VAT1L: variants seen among roughly 807,000 people sequenced by gnomAD.
VAT1L encodes the protein vesicle amine transport 1 like.
Under a neutral mutation model 44.1 loss-of-function variants are expected in VAT1L, and 34 were observed. That is an observed-to-expected ratio of 0.77 (90% CI 0.59 to 1.03). The LOEUF (loss-of-function observed/expected upper bound fraction) is 1.03. VAT1L is among the 50% of genes least tolerant of loss of function. The pLI is 0.00. For missense variants in VAT1L, 615 were observed against 538.8 expected, an observed-to-expected ratio of 1.14 and a Z score of -1.40; for synonymous variants, 253 against 202.2, an observed-to-expected ratio of 1.25 and a Z score of -2.13.
intron 7 of VAT1L, among the ~76,000 whole-genome samples, chr16:77,953,373 G>C (rs1020401069): frequency 1.3e-5 from 2 of 152,132 alleles, no homozygotes; most frequent in Non-Finnish European, 2.9e-5. Context: ...TTAATGAAAA[G>C]AATGATTAGT....
intron 1 of VAT1L, among the ~76,000 whole-genome samples, chr16:77,806,452 GCCCA>G: frequency 6.6e-6 from 1 of 150,388 alleles, no homozygotes; most frequent in African/African-American, 2.4e-5. Flanking sequence ...CTCGTGATCT[GCCCA>G]CCTCGGCCTC....
In VAT1L at chr16:77,884,757, G is replaced by T. The variant is rs567575674; in HGVS notation, c.1032G>T (p.Gln344His). The part of the protein sequence containing the change: ...VVEKLIGLYN[Q>H]KKIKPVVDSL... The stretch of plus-strand genomic sequence containing the variant: ...AAAAACTCATAGGGCTCTACAACCA[G>T]AAGAAGATCAAGCCTGTGGTGGACT... The change falls in exon 7 of 9, where the codon CAG becomes CAT. Residue 344 changes from glutamine to histidine, a missense_variant. Physicochemically the swap from Gln to His is conservative, Grantham distance 24. Coordinates refer to ENST00000302536, the MANE Select transcript of VAT1L (RefSeq NM_020927.3). The surrounding 1 kb of genome is among the most constrained non-coding windows in gnomAD (Gnocchi z 4.5). 1.3e-6 allele frequency: 2 copies of T among 1,585,166 alleles called. No homozygotes were observed. Among genetic ancestry groups the T allele is most frequent in the African/African-American group, 1.4e-5 (1 of 73,498 alleles).
rs372025706 is a variant in VAT1L at position 77,891,452 on chromosome 16, A to G, written c.1077+6650A>G. Among the ~76,000 whole-genome samples the G allele has an allele frequency of 3.7e-4, 57 of 152,344 alleles. 3 individuals are homozygous for G. Among genetic ancestry groups the G allele is most frequent in the East Asian group, 3.5e-3 (18 of 5,188 alleles). On this transcript the variant is annotated intron_variant, in intron 7 of 8. Transcript: ENST00000302536. Reference sequence around the variant, plus strand: ...CTATAGAACTGTTCCATCGTTGCAGAAAGTTCTGTTGAAGCTGGTCTATGA... The same window carrying G: ...CTATAGAACTGTTCCATCGTTGCAGGAAGTTCTGTTGAAGCTGGTCTATGA...
At chr16:77,865,022 G>A (rs956567097) in intron 4 of VAT1L, among the ~76,000 whole-genome samples, 3 of 142,348 alleles carry the variant, frequency 2.1e-5, no homozygotes, top group African/African-American at 5.4e-5. Flanking sequence ...CACCCAGGCT[G>A]GAGTGCGGTG....
intron 7 of VAT1L, among the ~76,000 whole-genome samples, chr16:77,885,795 G>C (rs1403641751): frequency 1.3e-5 from 2 of 152,130 alleles, no homozygotes; most frequent in African/African-American, 4.8e-5. Flanking sequence ...CTGTTTGCCT[G>C]AACGATTACA....
chr16:77,865,330 T>C (rs995345236), intron 4 of VAT1L, among the ~76,000 whole-genome samples: 2 of 152,184 alleles, frequency 1.3e-5, no homozygotes. Context: ...ACTATCGTTG[T>C]CCCTTCAGTC....
chr16:77,855,309 C>A (rs2016846944), intron 3 of VAT1L, among the ~76,000 whole-genome samples: 1 of 150,374 alleles, frequency 6.7e-6, no homozygotes, highest in African/African-American at 2.5e-5. Context: ...CACTGCACTC[C>A]AGCCTGGGCA....
intron 7 of VAT1L, among the ~76,000 whole-genome samples, chr16:77,897,751 A>C (rs774245676): frequency 6.6e-6 from 1 of 152,178 alleles, no homozygotes; most frequent in Non-Finnish European, 1.5e-5. Context: ...CTGGGATTCC[A>C]GGTGTGAGCC....
intron 2 of VAT1L, among the ~76,000 whole-genome samples, chr16:77,819,365 T>G (rs570829908): frequency 3.3e-5 from 5 of 152,154 alleles, no homozygotes; most frequent in African/African-American, 9.6e-5. Flanking sequence ...AAGATGATAT[T>G]CTTTTCTTTT....
chr16:77,873,757 T>C (rs2017057846), intron 4 of VAT1L, among the ~76,000 whole-genome samples: 1 of 152,022 alleles, frequency 6.6e-6, no homozygotes, highest in South Asian at 2.1e-4. Context: ...TCTGGAAAGA[T>C]CGTATGTGGG....
Position 77,961,070 on chromosome 16 carries a change from A to G in VAT1L, c.1078-10780A>G, listed in dbSNP as rs187659476. ...CACAGAGTGAAATATTTTTGAATAA[A>G]TTTTTCTGAGAGCATCTATCAGGAC... On this transcript the variant is annotated intron_variant, in intron 7 of 8. Transcript: ENST00000302536. Among the ~76,000 whole-genome samples, 213 of 152,006 alleles carry G rather than the reference A, an allele frequency of 1.4e-3. 4 individuals are homozygous for G. The highest frequency in any genetic ancestry group is 2.4e-3 in the Non-Finnish European group (163 of 67,984).
chr16:77,918,061 AAC>A (rs762946231), intron 7 of VAT1L, among the ~76,000 whole-genome samples: 46 of 152,356 alleles, frequency 3.0e-4, no homozygotes, highest in Non-Finnish European at 2.6e-4. Context: ...ATCAAAAAGA[AAC>A]AGTTTGAAGA....
chr16:77,978,313 A>C lies in VAT1L; in HGVS notation c.*618A>C, dbSNP rs2142551418. ...GTGTCTGACCCTTTCACTGGCTCTT[A>C]TCTGTAAACACAGGGAGGCAGGTAT... On this transcript the variant is annotated 3_prime_UTR_variant, in exon 9 of 9. Coordinates refer to ENST00000302536, the MANE Select transcript of VAT1L (RefSeq NM_020927.3). The C allele has an allele frequency of 6.6e-6, 1 of 152,574 alleles. No individual in the cohort carries two copies. Among genetic ancestry groups the C allele is most frequent in the African/African-American group, 2.4e-5 (1 of 41,576 alleles). 9.5% of individuals were successfully genotyped at this position (152,574 alleles called of 1,614,324 possible).
At chr16:77,926,607 A>G (rs1687998333) in intron 7 of VAT1L, among the ~76,000 whole-genome samples, 1 of 152,126 alleles carries the variant, frequency 6.6e-6, no homozygotes, top group Non-Finnish European at 1.5e-5. Context: ...TAGGGGTAAG[A>G]GCTAAAAGAT....
chr16:77,975,600 C>G (rs537232329), intron 8 of VAT1L, among the ~76,000 whole-genome samples: 3 of 152,172 alleles, frequency 2.0e-5, no homozygotes, highest in East Asian at 3.9e-4. Context: ...AGTCTGGGCT[C>G]TAAGGCGTGT....
intron 7 of VAT1L, among the ~76,000 whole-genome samples, chr16:77,913,564 C>T (rs144414530): frequency 9.5e-4 from 145 of 152,122 alleles, no homozygotes; most frequent in African/African-American, 3.3e-3. Flanking sequence ...TCTAGGATGC[C>T]CTTCCTTGCT....
intron 7 of VAT1L, among the ~76,000 whole-genome samples, chr16:77,947,436 G>A (rs2017982817): frequency 6.6e-6 from 1 of 152,118 alleles, no homozygotes; most frequent in Admixed American, 6.6e-5. Flanking sequence ...CTCAAATCTT[G>A]GTCTCACCCC....
chr16:77,876,174 A>C (rs919492921), intron 4 of VAT1L, among the ~76,000 whole-genome samples, 196 bp from the exon 5 acceptor site: 4 of 152,086 alleles, frequency 2.6e-5, no homozygotes, highest in African/African-American at 9.7e-5. Context: ...AGCTGCCTCC[A>C]GTTTTGTGAA....
intron 1 of VAT1L, among the ~76,000 whole-genome samples, chr16:77,812,548 C>T (rs1654558983): frequency 6.6e-6 from 1 of 152,154 alleles, no homozygotes; most frequent in Admixed American, 6.5e-5. Flanking sequence ...GTTTTCTTAT[C>T]TGAGGCTCAA....
Sources: allele counts gnomAD v4.1 joint callset (sites outside exome capture counted in the v4.1 genomes callset), GRCh38; gene constraint gnomAD v4.1.1; non-coding constraint Gnocchi (gnomAD v3.1); transcripts MANE v1.5; gene names NCBI Gene and HGNC (gene_info 2026-07-23, HGNC 2026-07-21).